Variants in MCC observed in about 807,000 individuals in gnomAD.
The protein encoded by MCC is MCC regulator of Wnt signaling pathway, also known as colorectal mutant cancer protein.
In MCC, 90 loss-of-function variants were observed where a neutral mutation model predicts 116.2. The ratio of observed to expected loss-of-function variants is 0.77; its 90% CI spans 0.65 to 0.92. The LOEUF is 0.92. Among genes scored for constraint, MCC ranks in the 40% least tolerant of loss-of-function variants. The pLI, the probability that MCC is intolerant of heterozygous loss-of-function variation, is 0.00. For missense variants in MCC, 1,516 were observed against 1,312.2 expected (o/e 1.16, Z -2.40); for synonymous variants, 578 against 510.5 (o/e 1.13, Z -1.78).
intron 1 of MCC, among the ~76,000 whole-genome samples, chr5:113,394,625 T>C (rs1769480979): frequency 6.6e-6 from 1 of 152,236 alleles, no homozygotes. Context: ...CATCCTTTTC[T>C]TTCCCTTTCT....
intron 6 of MCC, 132 bp from the exon 7 acceptor site, chr5:113,104,487 C>G: frequency 1.4e-6 from 1 of 702,974 alleles, no homozygotes. Flanking sequence ...ACCAGCCAGC[C>G]TAACCTCACA....
chr5:113,054,899 G>C (rs1229777727), intron 14 of MCC, among the ~76,000 whole-genome samples: 3 of 152,240 alleles, frequency 2.0e-5, no homozygotes, highest in Non-Finnish European at 4.4e-5. Flanking sequence ...GCCTTTTCCA[G>C]CAGTGGGCAG....
intron 13 of MCC, among the ~76,000 whole-genome samples, chr5:113,066,563 G>C (rs1367302993): frequency 6.6e-6 from 1 of 152,168 alleles, no homozygotes; most frequent in Non-Finnish European, 1.5e-5. Flanking sequence ...GGATTACTTG[G>C]ATATGAAGCA....
intron 2 of MCC, among the ~76,000 whole-genome samples, chr5:113,363,233 C>T (rs564508336): frequency 6.6e-5 from 10 of 152,260 alleles, no homozygotes; most frequent in African/African-American, 9.6e-5. Flanking sequence ...GCCGAGATCA[C>T]GCCACAGCAT....
chr5:113,139,581 G>A (rs905355104), intron 5 of MCC, among the ~76,000 whole-genome samples: 6 of 152,060 alleles, frequency 3.9e-5, no homozygotes, highest in Non-Finnish European at 5.9e-5. Flanking sequence ...TTAGAATGGC[G>A]ATCATTAAAA....
At chr5:113,487,729 G>C (rs546811248) in intron 1 of MCC, among the ~76,000 whole-genome samples, 1 of 152,342 alleles carries the variant, frequency 6.6e-6, no homozygotes, top group Admixed American at 6.5e-5. Flanking sequence ...CTGAAGTTTG[G>C]AATTCATGGG....
At chr5:113,457,430 C>T (rs576635833) in intron 1 of MCC, among the ~76,000 whole-genome samples, 2 of 152,246 alleles carry the variant, frequency 1.3e-5, no homozygotes, top group African/African-American at 4.8e-5. Context: ...CCTACCCCCG[C>T]CTCCGTGGGC....
chr5:113,195,559 G>C (rs1457019276), intron 3 of MCC, among the ~76,000 whole-genome samples: 1 of 152,086 alleles, frequency 6.6e-6, no homozygotes, highest in Non-Finnish European at 1.5e-5. Context: ...GGCCTCCTGA[G>C]ATCACCAGGA....
At chr5:113,177,879 T>C (rs1761416885) in intron 3 of MCC, among the ~76,000 whole-genome samples, 1 of 152,258 alleles carries the variant, frequency 6.6e-6, no homozygotes, top group Non-Finnish European at 1.5e-5. Context: ...TTAGGTAGTT[T>C]CTAATCTTTA....
rs200678550 is a variant in MCC, at chr5:113,434,666, G to T, written c.171-49454C>A. ...ACATGGCCAGAATCTCAATTTCCCGGGGAAGGAATTTCTCCAAGAAGTCTG... is the reference window on the plus strand; with the variant it reads ...ACATGGCCAGAATCTCAATTTCCCGTGGAAGGAATTTCTCCAAGAAGTCTG... On this transcript the variant is annotated intron_variant, in intron 1 of 18. Transcript: ENST00000408903. This position sits in a 1 kb window ranked among gnomAD's most constrained non-coding sequence, Gnocchi z 4.2. 148 of 1,613,956 alleles carry T rather than the reference G, an allele frequency of 9.2e-5. No homozygotes were observed. The Middle Eastern group carries it at 9.9e-4, about 11-fold the overall frequency.
At chr5:113,488,116 G>A (rs1452272907) in intron 1 of MCC, 129 bp downstream of exon 1, 5 of 962,724 alleles carry the variant, frequency 5.2e-6, no homozygotes, top group Non-Finnish European at 1.4e-6. Context: ...TCTCGGAGTC[G>A]CGGCCAACTT....
chr5:113,179,428 T>C (rs1761500331), intron 3 of MCC, among the ~76,000 whole-genome samples: 1 of 152,212 alleles, frequency 6.6e-6, no homozygotes, highest in Admixed American at 6.5e-5. Flanking sequence ...CAGGCAGTGC[T>C]CAGTACTCTG....
intron 3 of MCC, among the ~76,000 whole-genome samples, chr5:113,240,249 AG>A (rs1239744544): frequency 6.6e-6 from 1 of 152,136 alleles, no homozygotes; most frequent in African/African-American, 2.4e-5. Context: ...ATTAAAAGCT[AG>A]TGAGAGAGCA....
intron 1 of MCC, 92 bp downstream of exon 1, chr5:113,488,153 C>G: frequency 1.5e-6 from 2 of 1,309,188 alleles, no homozygotes; most frequent in South Asian, 1.8e-5. Context: ...AGCAACTTGC[C>G]GCAAGTTGGG....
At chr5:113,467,213 T>C (rs1385830673) in intron 1 of MCC, among the ~76,000 whole-genome samples, 3 of 151,496 alleles carry the variant, frequency 2.0e-5, no homozygotes, top group South Asian at 2.1e-4. Context: ...TCAATTTTGG[T>C]TTTTGTTGCC....
intron 3 of MCC, among the ~76,000 whole-genome samples, chr5:113,182,657 T>C (rs1459391661): frequency 6.6e-6 from 1 of 152,190 alleles, no homozygotes; most frequent in Non-Finnish European, 1.5e-5. Context: ...GAAATATTAA[T>C]GCACTTGATA....
intron 3 of MCC, among the ~76,000 whole-genome samples, chr5:113,223,323 G>A (rs1199684257): frequency 6.6e-6 from 1 of 152,126 alleles, no homozygotes; most frequent in African/African-American, 2.4e-5. Flanking sequence ...AAACAAAGTT[G>A]GGTTTTTGCC....
In MCC at chr5:113,290,117, T is replaced by C. The variant is rs374771695; in HGVS notation, c.627+50402A>G. 6.6e-5 allele frequency among the ~76,000 whole-genome samples: 10 copies of C among 152,356 alleles called. No individual in the cohort carries two copies. In the East Asian group the frequency reaches 1.7e-3, roughly 26 times the overall value. On this transcript the variant is annotated intron_variant, in intron 3 of 18. Coordinates refer to ENST00000408903, the MANE Select transcript of MCC (RefSeq NM_001085377.2). ...CTAGGTAGAGAACAACTTTCTTCTA[T>C]ACAATTCTCCTTCTTAATTAGAGCA...
intron 3 of MCC, among the ~76,000 whole-genome samples, chr5:113,180,108 G>C (rs1289571803): frequency 6.6e-6 from 1 of 152,076 alleles, no homozygotes; most frequent in African/African-American, 2.4e-5. Flanking sequence ...TTTAGGAAGG[G>C]GTCGCCTGCC....
Sources: allele counts gnomAD v4.1 joint callset (sites outside exome capture counted in the v4.1 genomes callset), GRCh38; gene constraint gnomAD v4.1.1; non-coding constraint Gnocchi (gnomAD v3.1); transcripts MANE v1.5; gene names NCBI Gene and HGNC (gene_info 2026-07-23, HGNC 2026-07-21).